Variants in ADAMTS18 observed in about 807,000 individuals in gnomAD.
ADAMTS18 encodes A disintegrin and metalloproteinase with thrombospondin motifs 18.
A neutral mutation model predicts 165.9 loss-of-function variants in ADAMTS18; 157 were observed. The ratio of observed to expected loss-of-function variants is 0.95; its 90% confidence interval spans 0.83 to 1.08. ADAMTS18 has a LOEUF of 1.08. Ranked by LOEUF, ADAMTS18 falls within the 50% of genes least tolerant of loss-of-function variation. ADAMTS18 has a pLI of 0.00. For synonymous variants in ADAMTS18, 782 were observed against 578.2 expected (o/e 1.35, Z -5.06); for missense variants, 2,040 against 1,534.0 (o/e 1.33, Z -5.51).
In ADAMTS18 at chr16:77,359,518, G is replaced by C. The variant is rs926504556; in HGVS notation, c.1217-95C>G. 42 of 904,052 alleles carry C rather than the reference G, an allele frequency of 4.6e-5. 1 individual carries two copies. The highest frequency in any genetic ancestry group is 6.6e-5 in the Non-Finnish European group (39 of 591,720). 56.0% of individuals were successfully genotyped at this position (904,052 alleles called of 1,614,324 possible). On this transcript the variant is annotated intron_variant, in intron 7 of 22. Transcript: ENST00000282849. ...CCTCAAAATGTTCTACACAGTTTTA[G>C]TTTAATAGATCAATGCATTCAGTGT...
intron 3 of ADAMTS18, among the ~76,000 whole-genome samples, chr16:77,409,591 T>A (rs908770287): frequency 2.0e-5 from 3 of 152,184 alleles, no homozygotes; most frequent in Non-Finnish European, 2.9e-5. Context: ...ATGTGCTCTG[T>A]TCGGGGCTTG....
rs750610324 is a variant in ADAMTS18 at position 77,367,664 on chromosome 16, C to G, written c.555G>C (p.Leu185=). The change falls in exon 4 of 23, where the codon CTG becomes CTC. Residue 185 remains leucine, a synonymous_variant. Coordinates refer to ENST00000282849, the MANE Select transcript of ADAMTS18 (RefSeq NM_199355.4). ...GGGAGCTGTAGTTGTGTTCCTGGGC[C>G]AGAAGCTGAGGTAATGGCGAGATGA... is the stretch of plus-strand genomic sequence containing the variant. ...EFLISPLPQL[L]AQEHNYSSPA... The G allele has an allele frequency of 6.2e-7, 1 of 1,614,154 alleles. No individual in the cohort carries two copies. Among genetic ancestry groups the G allele is most frequent in the Non-Finnish European group, 8.5e-7 (1 of 1,180,028 alleles).
At chr16:77,377,459 A>C (rs1358706341) in intron 3 of ADAMTS18, among the ~76,000 whole-genome samples, 1 of 152,258 alleles carries the variant, frequency 6.6e-6, no homozygotes, top group Non-Finnish European at 1.5e-5. Flanking sequence ...TAAAAGATCT[A>C]ATGAACGAAT....
intron 3 of ADAMTS18, among the ~76,000 whole-genome samples, chr16:77,375,211 G>C (rs1271124464): frequency 2.0e-5 from 3 of 152,010 alleles, no homozygotes; most frequent in Non-Finnish European, 4.4e-5. Flanking sequence ...AGAAAAAGAC[G>C]GGGTTTCACC....
At chr16:77,355,820 T>C (rs2056621012) in intron 9 of ADAMTS18, 120 bp downstream of exon 9, 2 of 1,186,922 alleles carry the variant, frequency 1.7e-6, no homozygotes, top group Non-Finnish European at 2.5e-6. Context: ...TCATCATTTG[T>C]CTTTCTGTTT....
At chr16:77,390,862 T>C (rs879067713) in intron 3 of ADAMTS18, among the ~76,000 whole-genome samples, 1 of 152,172 alleles carries the variant, frequency 6.6e-6, no homozygotes, top group African/African-American at 2.4e-5. Flanking sequence ...GTGCCTCAGT[T>C]ATACTAGGCA....
In ADAMTS18 at chr16:77,404,872, G is replaced by C. The variant is rs892912279; in HGVS notation, c.495+26423C>G. Among the ~76,000 whole-genome samples the C allele has an allele frequency of 4.6e-5, 7 of 152,294 alleles. No homozygotes were observed. In the East Asian group the frequency reaches 1.4e-3, roughly 29 times the overall value. On this transcript the variant is annotated intron_variant, in intron 3 of 22. Transcript: ENST00000282849. ...AACTGCAGTGCAGCATGATGACAAAGATAAGCCCCAAGAGCTCAAAGCATG... is the reference window on the plus strand; with the variant it reads ...AACTGCAGTGCAGCATGATGACAAACATAAGCCCCAAGAGCTCAAAGCATG...
In ADAMTS18 at chr16:77,297,173, C is replaced by G. The variant is rs895922677; in HGVS notation, c.2801+116G>C. The G allele has an allele frequency of 2.1e-6, 3 of 1,449,686 alleles. No individual in the cohort carries two copies. The African/African-American group carries it at 4.2e-5, about 20-fold the overall frequency. 89.8% of individuals were successfully genotyped at this position (1,449,686 alleles called of 1,614,324 possible). A position where few individuals can be genotyped will look rare whatever the true frequency, so the allele number is the denominator to read the frequency against. The stretch of plus-strand genomic sequence containing the variant: ...TCTATTACTTTTTAAAGTATTGCGT[C>G]TACCTTTGAATCACTTTCCATTAGC... On this transcript the variant is annotated intron_variant, in intron 18 of 22. Coordinates refer to ENST00000282849, the MANE Select transcript of ADAMTS18 (RefSeq NM_199355.4).
chr16:77,311,230 T>C (rs2055774309), intron 16 of ADAMTS18, among the ~76,000 whole-genome samples: 1 of 152,212 alleles, frequency 6.6e-6, no homozygotes, highest in Non-Finnish European at 1.5e-5. Flanking sequence ...CCAAAAGAGA[T>C]GGTGCTTTCA....
intron 19 of ADAMTS18, among the ~76,000 whole-genome samples, chr16:77,293,634 C>A (rs541395719): frequency 8.3e-4 from 126 of 151,808 alleles, no homozygotes; most frequent in Admixed American, 2.5e-3. Context: ...TATCAGTCTC[C>A]AATTTCTTTG....
chr16:77,392,541 C>T (rs1286419390), intron 3 of ADAMTS18, among the ~76,000 whole-genome samples: 3 of 152,132 alleles, frequency 2.0e-5, no homozygotes, highest in Non-Finnish European at 4.4e-5. Flanking sequence ...CCCATGCCTG[C>T]CCCCTGCTTC....
At chr16:77,324,732 T>G (rs1045372099) in intron 13 of ADAMTS18, among the ~76,000 whole-genome samples, 2 of 152,252 alleles carry the variant, frequency 1.3e-5, no homozygotes, top group African/African-American at 4.8e-5. Context: ...TCTCAGCCCT[T>G]GAATTAATTC....
rs1357711916 is a variant in ADAMTS18 at position 77,341,769 on chromosome 16, C to T, written c.1645G>A (p.Val549Ile). Residue 549 changes from valine (V) to isoleucine (I), a missense_variant, in exon 11 of 23, where the codon GTA (valine) becomes ATA (isoleucine). Transcript: ENST00000282849. ...DICKSLWCHR[V>I]GHRCETKFMP... ...AACTTGGTCTCACACCTGTGGCCTACTCGGTGGCACCAAAGTGATTTGCAA... is the reference window on the plus strand; with the variant it reads ...AACTTGGTCTCACACCTGTGGCCTATTCGGTGGCACCAAAGTGATTTGCAA... 2.5e-6 allele frequency: 4 copies of T among 1,613,170 alleles called. No individual in the cohort carries two copies. The highest frequency in any genetic ancestry group is 3.4e-6 in the Non-Finnish European group (4 of 1,179,674).
At chr16:77,316,963 A>T (rs930020378) in intron 16 of ADAMTS18, among the ~76,000 whole-genome samples, 1 of 152,160 alleles carries the variant, frequency 6.6e-6, no homozygotes, top group African/African-American at 2.4e-5. Context: ...CACCATACCC[A>T]GCCCACATGG....
Position 77,293,262 on chromosome 16 carries a change from G to C in ADAMTS18, c.3007-4C>G, listed in dbSNP as rs376965912. 10 of 1,612,512 alleles carry C rather than the reference G, an allele frequency of 6.2e-6. No individual in the cohort carries two copies. The African/African-American group carries it at 1.2e-4, about 19-fold the overall frequency. ...CTCGTCCACAGGTCTTGGAACACTT[G>C]AGAAGACAAAAAAGTTCTATTTGCA... On this transcript the variant is annotated splice_region_variant and splice_polypyrimidine_tract_variant and intron_variant, in intron 19 of 22. Transcript: ENST00000282849.
At chr16:77,352,770 T>A (rs745466533) in intron 10 of ADAMTS18, among the ~76,000 whole-genome samples, 1 of 152,148 alleles carries the variant, frequency 6.6e-6, no homozygotes, top group African/African-American at 2.4e-5. Context: ...AGAACTTCCA[T>A]ATTTCTCTTT....
intron 14 of ADAMTS18, 38 bp downstream of exon 14, chr16:77,322,298 G>A: frequency 1.2e-6 from 2 of 1,608,628 alleles, no homozygotes; most frequent in Non-Finnish European, 8.5e-7. Context: ...TAAAACACAA[G>A]CATGCTCATA....
intron 3 of ADAMTS18, among the ~76,000 whole-genome samples, chr16:77,374,022 C>A (rs2056914775): frequency 6.6e-6 from 1 of 151,850 alleles, no homozygotes; most frequent in African/African-American, 2.4e-5. Flanking sequence ...AGTTATAGAC[C>A]AGCCTAGCCA....
chr16:77,300,856 T>C (rs186033693), intron 16 of ADAMTS18, among the ~76,000 whole-genome samples: 221 of 152,218 alleles, frequency 1.5e-3, no homozygotes, highest in Non-Finnish European at 2.1e-3. Context: ...CTATCCTAGG[T>C]CACAATTTAC....
Sources: gnomAD v4.1 joint callset for allele counts (sites outside exome capture counted in the v4.1 genomes callset) on GRCh38, gnomAD v4.1.1 for gene constraint, MANE v1.5 for transcripts, NCBI Gene and HGNC (gene_info 2026-07-23, HGNC 2026-07-21) for gene names.